The following SUMF1 variants were observed in gnomAD, a reference collection of about 807,000 sequenced individuals.
SUMF1 encodes the protein sulfatase modifying factor 1.
SUMF1 carries 48 observed loss-of-function variants against 47.6 expected under a neutral mutation model. The ratio of observed to expected loss-of-function variants is 1.01; its 90% CI spans 0.80 to 1.28. SUMF1 has a LOEUF of 1.28. SUMF1 is among the 50% of genes most tolerant of loss of function. The pLI is 0.00. For missense variants in SUMF1, 571 were observed against 485.4 expected (o/e 1.18, Z -1.66); for synonymous variants, 230 against 192.1 (o/e 1.20, Z -1.63).
At chr3:4,343,737 G>C (rs947651297) in intron 8 of SUMF1, among the ~76,000 whole-genome samples, 2 of 152,174 alleles carry the variant, frequency 1.3e-5, no homozygotes, top group Non-Finnish European at 2.9e-5. Flanking sequence ...CCTTTTTGGA[G>C]GGCTGTCAAT....
chr3:4,184,470 G>C (rs1179485842), intron 8 of SUMF1, among the ~76,000 whole-genome samples: 1 of 151,220 alleles, frequency 6.6e-6, no homozygotes, highest in Non-Finnish European at 1.5e-5. Context: ...AGAAAAAAAA[G>C]AAAAAAAGAA....
intron 8 of SUMF1, among the ~76,000 whole-genome samples, chr3:4,091,619 CT>C (rs1325204748): frequency 9.2e-5 from 14 of 152,042 alleles, no homozygotes; most frequent in African/African-American, 3.4e-4. Context: ...GATAACAGCC[CT>C]TTATGACTTT....
chr3:4,381,822 A>C (rs1025999575), intron 7 of SUMF1, among the ~76,000 whole-genome samples: 4 of 152,228 alleles, frequency 2.6e-5, no homozygotes, highest in African/African-American at 9.6e-5. Flanking sequence ...GTATGGGAAG[A>C]TTGCTTGAGC....
At chr3:4,252,352 G>GCACA (rs142977510) in intron 8 of SUMF1, among the ~76,000 whole-genome samples, 2,327 of 129,654 alleles carry the variant, frequency 0.018, 61 homozygotes, top group African/African-American at 0.058. Context: ...ACACACATGC[G>GCACA]CACACACACA....
At chr3:4,279,024 G>A (rs1697476934) in intron 8 of SUMF1, among the ~76,000 whole-genome samples, 1 of 151,996 alleles carries the variant, frequency 6.6e-6, no homozygotes, top group Non-Finnish European at 1.5e-5. Context: ...TGTGTTTACT[G>A]TATTTTACAA....
Position 4,160,788 on chromosome 3 carries a change from G to A in SUMF1, c.1015-92043C>T, listed in dbSNP as rs71313809. ...GCTATTTTGACTTCTCTGTCTGAAA[G>A]GTCACATATTTCTGTCTCCTTGGAA... is the stretch of plus-strand genomic sequence containing the variant. On this transcript the variant is annotated intron_variant and NMD_transcript_variant, in intron 8 of 12. Coordinates refer to the SUMF1 transcript ENST00000448413. Among the ~76,000 whole-genome samples the A allele has an allele frequency of 6.2e-3, 950 of 152,086 alleles. 10 individuals are homozygous for A. The highest frequency in any genetic ancestry group is 8.1e-3 in the Admixed American group (124 of 15,280).
intron 8 of SUMF1, among the ~76,000 whole-genome samples, chr3:4,354,897 T>A (rs1699584433): frequency 6.6e-6 from 1 of 152,230 alleles, no homozygotes; most frequent in African/African-American, 2.4e-5. Flanking sequence ...TTTTCTCATA[T>A]CTCCCCACAA....
At chr3:4,080,672 G>A (rs73806865) in intron 8 of SUMF1, among the ~76,000 whole-genome samples, 3,038 of 152,036 alleles carry the variant, frequency 0.02, 119 homozygotes, top group African/African-American at 0.066. Context: ...TGTAATATAC[G>A]TTACCTTTAT....
At chr3:4,299,748 T>G (rs1697925826) in intron 8 of SUMF1, among the ~76,000 whole-genome samples, 1 of 152,164 alleles carries the variant, frequency 6.6e-6, no homozygotes, top group South Asian at 2.1e-4. Flanking sequence ...AGGTGGAGGT[T>G]GCAGTGAGCC....
In SUMF1 at chr3:4,130,044, C is replaced by T. The variant is rs147710605; in HGVS notation, c.1015-61299G>A. On this transcript the variant is annotated intron_variant and NMD_transcript_variant, in intron 8 of 12. Transcript: ENST00000448413. ...AAAAATAGTAAATCAAAAACAATAT[C>T]GCATCCTGGAAGGACTGCAGAGATT... Among the ~76,000 whole-genome samples, 47 of 152,186 alleles carry T rather than the reference C, an allele frequency of 3.1e-4. No homozygotes were observed. In the South Asian group the frequency reaches 5.0e-3, roughly 16 times the overall value.
At chr3:4,278,048 T>C (rs1010368969) in intron 8 of SUMF1, among the ~76,000 whole-genome samples, 2 of 151,872 alleles carry the variant, frequency 1.3e-5, no homozygotes, top group Non-Finnish European at 2.9e-5. Flanking sequence ...AAGAGAGGAG[T>C]TTGGTCCCAA....
intron 8 of SUMF1, among the ~76,000 whole-genome samples, chr3:4,138,347 C>T (rs1040507462): frequency 6.6e-6 from 1 of 152,134 alleles, no homozygotes; most frequent in African/African-American, 2.4e-5. Context: ...TCTGGGATGT[C>T]CTGCCTAATA....
rs1394641492 is a variant in SUMF1, at chr3:4,069,502, A to G, written c.1015-757T>C. Among the ~76,000 whole-genome samples the G allele has an allele frequency of 3.3e-5, 5 of 152,182 alleles. No homozygotes were observed. In the South Asian group the frequency reaches 6.2e-4, roughly 19 times the overall value. ...TTCATGAGCAGAGGAGATACAGGTA[A>G]CATGCAATCTATGTGCCCTCTTCCA... On this transcript the variant is annotated intron_variant and NMD_transcript_variant, in intron 8 of 12. Coordinates refer to the SUMF1 transcript ENST00000448413.
intron 2 of SUMF1, among the ~76,000 whole-genome samples, chr3:4,452,131 TAA>T (rs953962047): frequency 2.8e-5 from 4 of 144,204 alleles, no homozygotes; most frequent in Non-Finnish European, 1.5e-5. Context: ...TTTGGGGTCT[TAA>T]AAAAAAAAAA....
chr3:4,209,006 G>T (rs888350358), intron 8 of SUMF1, among the ~76,000 whole-genome samples: 1 of 152,048 alleles, frequency 6.6e-6, no homozygotes, highest in East Asian at 1.9e-4. Flanking sequence ...ATTAAAATGA[G>T]TTGGGTAGAA....
At chr3:4,211,103 C>T (rs1037444902) in intron 8 of SUMF1, among the ~76,000 whole-genome samples, 2 of 91,396 alleles carry the variant, frequency 2.2e-5, no homozygotes, top group African/African-American at 4.6e-5. Flanking sequence ...AATAAACTCC[C>T]ATATATATAT....
chr3:4,193,983 T>C, intron 8 of SUMF1, among the ~76,000 whole-genome samples: 1 of 152,118 alleles, frequency 6.6e-6, no homozygotes, highest in Admixed American at 6.6e-5. Context: ...CCAACGTAAG[T>C]ATGCCAAAAA....
At chr3:4,280,694 G>A (rs1011231332) in intron 8 of SUMF1, among the ~76,000 whole-genome samples, 5 of 152,148 alleles carry the variant, frequency 3.3e-5, no homozygotes, top group Non-Finnish European at 5.9e-5. Flanking sequence ...ATCAAGGTGC[G>A]TGCTGGGCTC....
At chr3:4,332,085 T>A (rs1443799240) in intron 8 of SUMF1, among the ~76,000 whole-genome samples, 1 of 152,120 alleles carries the variant, frequency 6.6e-6, no homozygotes, top group Admixed American at 6.6e-5. Context: ...AAGTTTCTAT[T>A]TTTGTGATAA....
Sources: gnomAD v4.1 joint callset for allele counts (sites outside exome capture counted in the v4.1 genomes callset) on GRCh38, gnomAD v4.1.1 for gene constraint, MANE v1.5 for transcripts, NCBI Gene and HGNC (gene_info 2026-07-23, HGNC 2026-07-21) for gene names.